The following CTSB variants were observed in gnomAD, a reference collection of about 807,000 sequenced individuals.
The protein encoded by CTSB is cathepsin B, also known as APP secretase.
In CTSB, 57 loss-of-function variants were observed where a neutral mutation model predicts 44.3. The observed-to-expected ratio is 1.29, with a 90% confidence interval of 1.04 to 1.60. The LOEUF is 1.60. Ranked by LOEUF, CTSB falls within the 40% of genes most tolerant of loss-of-function variation. CTSB has a pLI of 0.00. For missense variants in CTSB, 768 were observed against 443.0 expected (o/e 1.73, Z -6.59); for synonymous variants, 320 against 168.0 (o/e 1.91, Z -7.00).
intron 7 of CTSB, 99 bp from the exon 8 acceptor site, chr8:11,847,267 A>AAGAC (rs1204888806): frequency 1.3e-5 from 10 of 783,430 alleles, no homozygotes; most frequent in Non-Finnish European, 2.0e-5. Context: ...CCTCCAGGGG[A>AAGAC]AGACTGCATC....
Position 11,850,850 on chromosome 8 carries a change from G to A in CTSB, c.327+16C>T. On this transcript the variant is annotated intron_variant, in intron 4 of 9. Transcript: ENST00000353047. Reference sequence around the variant, plus strand: ...CTTTCTCTCCAGCGCTTCCCCGCCAGCCAGCAGGGCCTTACCCAGCAGGAG... The same window carrying A: ...CTTTCTCTCCAGCGCTTCCCCGCCAACCAGCAGGGCCTTACCCAGCAGGAG... 6.3e-7 allele frequency: 1 copy of A among 1,585,160 alleles called. No individual in the cohort carries two copies. Among genetic ancestry groups the A allele is most frequent in the Non-Finnish European group, 8.7e-7 (1 of 1,155,618 alleles).
At chr8:11,847,935 C>G in intron 6 of CTSB, 113 bp from the exon 7 acceptor site, 1 of 1,373,316 alleles carries the variant, frequency 7.3e-7, no homozygotes, top group Non-Finnish European at 1.0e-6. Flanking sequence ...TGCCAGAGGC[C>G]TGTGCACCTG....
intron 1 of CTSB, 175 bp downstream of exon 1, chr8:11,867,826 G>A (rs998859605): frequency 1.4e-5 from 2 of 146,676 alleles, no homozygotes; most frequent in African/African-American, 2.5e-5. Context: ...TCCCACCCCA[G>A]CCCGCCCGTC....
chr8:11,846,191 C>G (rs575494352), intron 8 of CTSB: 1 of 153,536 alleles, frequency 6.5e-6, no homozygotes, highest in Admixed American at 6.5e-5. Flanking sequence ...CCAGGTACAC[C>G]CTGAAGAGGT....
intron 5 of CTSB, 131 bp from the exon 6 acceptor site, chr8:11,848,283 C>T (rs1326049537): frequency 5.2e-6 from 4 of 774,254 alleles, no homozygotes; most frequent in Non-Finnish European, 9.1e-6. Flanking sequence ...GCGAGCAGAC[C>T]TCCCAGACCC....
intron 8 of CTSB, chr8:11,846,354 C>G (rs748508386): frequency 6.6e-6 from 1 of 152,374 alleles, no homozygotes; most frequent in East Asian, 1.9e-4. Context: ...GAGGACTATG[C>G]TAAGAAGTGC....
intron 5 of CTSB, chr8:11,848,842 C>T (rs1452369375): frequency 4.0e-6 from 2 of 504,486 alleles, no homozygotes; most frequent in Non-Finnish European, 7.3e-6. Context: ...ACCCCTCAGA[C>T]AGCTCTGCCG....
chr8:11,865,517 A>T (rs1263023248), intron 1 of CTSB: 1 of 108 alleles, frequency 9.3e-3, no homozygotes, highest in Non-Finnish European at 0.019. Context: ...TGAACACAGG[A>T]AGCGGAGTTG....
At position 11,847,176 on chromosome 8, in the gene CTSB, A is replaced by T; in HGVS notation, c.677-8T>A. The T allele has an allele frequency of 6.3e-7, 1 of 1,581,896 alleles. No individual in the cohort carries two copies. Among genetic ancestry groups the T allele is most frequent in the Non-Finnish European group, 8.7e-7 (1 of 1,151,218 alleles). On this transcript the variant is annotated splice_region_variant and splice_polypyrimidine_tract_variant and intron_variant, in intron 7 of 9. Coordinates refer to ENST00000353047, the MANE Select transcript of CTSB (RefSeq NM_001908.5). ...CGCTGTAGGAATTGTATCCTGGAAAATGAACCGAGCTCGGGGTTGGGGAGG... is the reference window on the plus strand; with the variant it reads ...CGCTGTAGGAATTGTATCCTGGAAATTGAACCGAGCTCGGGGTTGGGGAGG...
At chr8:11,849,220 A>T in intron 4 of CTSB, 56 bp from the exon 5 acceptor site, 1 of 1,459,426 alleles carries the variant, frequency 6.9e-7, no homozygotes, top group Non-Finnish European at 9.5e-7. Context: ...GGCCCTCTGC[A>T]GCAGTCCCCT....
chr8:11,843,715 C>T lies in CTSB; in HGVS notation c.*1410G>A, dbSNP rs566631646. On this transcript the variant is annotated 3_prime_UTR_variant, in exon 10 of 10. Transcript: ENST00000353047. Reference sequence around the variant, plus strand: ...CCTGTTTTATGAGCTGAATCCTCAGCTTGTTGCTGGATTTGTGGCTGATAA... The same window carrying T: ...CCTGTTTTATGAGCTGAATCCTCAGTTTGTTGCTGGATTTGTGGCTGATAA... The T allele has an allele frequency of 6.6e-6, 1 of 152,210 alleles. No individual in the cohort carries two copies. The highest frequency in any genetic ancestry group is 1.5e-5 in the Non-Finnish European group (1 of 68,046). 9.4% of individuals were successfully genotyped at this position (152,210 alleles called of 1,614,324 possible). A position where few individuals can be genotyped will look rare whatever the true frequency, so the allele number is the denominator to read the frequency against.
chr8:11,851,824 G>A (rs962106792), intron 3 of CTSB, among the ~76,000 whole-genome samples: 1 of 151,916 alleles, frequency 6.6e-6, no homozygotes, highest in Non-Finnish European at 1.5e-5. Context: ...CCGCCACCAC[G>A]CCTGGCAAAG....
rs181949348 is a variant in CTSB at position 11,849,411 on chromosome 8, G to A, written c.328-247C>T. On this transcript the variant is annotated intron_variant, in intron 4 of 9. Coordinates refer to ENST00000353047, the MANE Select transcript of CTSB (RefSeq NM_001908.5). ...TTTGCCCACCTTGGCCTCCCAAAGT[G>A]CTGGGATTAGAGGCGTGATGAGCCA... is the stretch of plus-strand genomic sequence containing the variant. 1.8e-5 allele frequency: 6 copies of A among 332,594 alleles called. No homozygotes were observed. The South Asian group carries it at 1.9e-4, about 11-fold the overall frequency. The allele number at this position is 332,594 out of a possible 1,614,324, so 20.6% of individuals were successfully genotyped here.
chr8:11,853,981 G>A (rs1045178909), intron 1 of CTSB, among the ~76,000 whole-genome samples: 3 of 152,150 alleles, frequency 2.0e-5, no homozygotes, highest in African/African-American at 7.2e-5. Flanking sequence ...AGGTGGGGCT[G>A]GGCTGGCCAT....
At chr8:11,846,842 T>C (rs1428624829) in intron 8 of CTSB, among the ~76,000 whole-genome samples, 1 of 152,070 alleles carries the variant, frequency 6.6e-6, no homozygotes, top group South Asian at 2.1e-4. Flanking sequence ...TCTGGAATTG[T>C]GTGTGTTGGC....
intron 1 of CTSB, 107 bp from the exon 2 acceptor site, chr8:11,853,586 T>G (rs774752559): frequency 5.2e-6 from 6 of 1,152,878 alleles, no homozygotes; most frequent in African/African-American, 1.6e-5. Context: ...ATGCTCGTCC[T>G]GGCCCAGGCG....
chr8:11,864,743 G>C (rs1374618991), intron 1 of CTSB, among the ~76,000 whole-genome samples: 2 of 151,832 alleles, frequency 1.3e-5, no homozygotes, highest in African/African-American at 4.8e-5. Flanking sequence ...ATCATTTGAG[G>C]TCTCTACTAA....
At chr8:11,854,309 T>C (rs1276674581) in intron 1 of CTSB, among the ~76,000 whole-genome samples, 1 of 152,136 alleles carries the variant, frequency 6.6e-6, no homozygotes, top group Non-Finnish European at 1.5e-5. Flanking sequence ...GGTGAGGTGT[T>C]CTACCTCCCA....
chr8:11,849,373 C>G lies in CTSB; in HGVS notation c.328-209G>C, dbSNP rs537030947. On this transcript the variant is annotated intron_variant, in intron 4 of 9. Coordinates refer to ENST00000353047, the MANE Select transcript of CTSB (RefSeq NM_001908.5). ...GTTGGCCAGACTGGTCTTGAACTCC[C>G]GGGTTCAAGTGATTTGCCCACCTTG... 3.6e-5 allele frequency: 14 copies of G among 393,998 alleles called. No individual in the cohort carries two copies. The East Asian group carries it at 6.6e-4, about 18-fold the overall frequency. 24.4% of individuals were successfully genotyped at this position (393,998 alleles called of 1,614,324 possible). A position where few individuals can be genotyped will look rare whatever the true frequency, so the allele number is the denominator to read the frequency against.
Sources: allele counts gnomAD v4.1 joint callset (sites outside exome capture counted in the v4.1 genomes callset), GRCh38; gene constraint gnomAD v4.1.1; transcripts MANE v1.5; gene names NCBI Gene and HGNC (gene_info 2026-07-23, HGNC 2026-07-21).